The following B3GALT5 variants were observed in gnomAD, a reference collection of about 807,000 sequenced individuals.
The protein encoded by B3GALT5 is UDP-Gal:betaGlcNAc beta 1,3-galactosyltransferase, polypeptide 5.
For missense variants in B3GALT5, 328 were observed against 396.6 expected, an observed-to-expected ratio of 0.83 and a Z score of 1.47; for synonymous variants, 156 against 158.6, an observed-to-expected ratio of 0.98 and a Z score of 0.12.
intron 2 of B3GALT5, among the ~76,000 whole-genome samples, chr21:39,648,658 G>A (rs1039696098): frequency 8.5e-5 from 13 of 152,192 alleles, no homozygotes; most frequent in Non-Finnish European, 1.5e-4. Context: ...GCTGTATACA[G>A]CAGGTGCTCA....
intron 1 of B3GALT5, among the ~76,000 whole-genome samples, chr21:39,643,829 G>A (rs1465354135): frequency 3.3e-5 from 5 of 152,170 alleles, no homozygotes; most frequent in South Asian, 2.1e-4. Context: ...GCAGCTCCTC[G>A]AGGCTGGTGT....
intron 1 of B3GALT5, among the ~76,000 whole-genome samples, chr21:39,618,993 A>AT (rs1277125843): frequency 2.6e-5 from 4 of 152,044 alleles, no homozygotes; most frequent in African/African-American, 9.7e-5. Context: ...TTCAAATTCA[A>AT]TTTTTTCAAA....
intron 2 of B3GALT5, among the ~76,000 whole-genome samples, chr21:39,652,959 A>C (rs2079409112): frequency 1.3e-5 from 2 of 152,222 alleles, no homozygotes; most frequent in Admixed American, 1.3e-4. Flanking sequence ...AAAAATATTA[A>C]CATGGTACAA....
intron 1 of B3GALT5, among the ~76,000 whole-genome samples, chr21:39,615,324 T>C (rs2079101724): frequency 6.6e-6 from 1 of 152,194 alleles, no homozygotes; most frequent in Non-Finnish European, 1.5e-5. Flanking sequence ...AGATGAAAGG[T>C]GAAGGGGTGG....
chr21:39,649,383 G>A (rs1399620693), intron 2 of B3GALT5, among the ~76,000 whole-genome samples: 1 of 152,160 alleles, frequency 6.6e-6, no homozygotes, highest in Non-Finnish European at 1.5e-5. Flanking sequence ...GGCCCTTCCG[G>A]ATTCCCTGCC....
intron 1 of B3GALT5, among the ~76,000 whole-genome samples, chr21:39,641,106 T>C (rs1410435340): frequency 6.6e-6 from 1 of 152,160 alleles, no homozygotes; most frequent in Admixed American, 6.5e-5. Flanking sequence ...AATATAGTGG[T>C]GAGAACAGAT....
At chr21:39,659,416 A>G (rs1289351828) in intron 2 of B3GALT5, among the ~76,000 whole-genome samples, 1 of 152,236 alleles carries the variant, frequency 6.6e-6, no homozygotes, top group African/African-American at 2.4e-5. Context: ...CATTAACTAC[A>G]GACTCTGTTA....
At chr21:39,658,294 C>A (rs1394836324) in intron 2 of B3GALT5, among the ~76,000 whole-genome samples, 1 of 152,098 alleles carries the variant, frequency 6.6e-6, no homozygotes, top group Non-Finnish European at 1.5e-5. Flanking sequence ...TCCTGGGAAA[C>A]AGTTTGGCCA....
In B3GALT5 at chr21:39,659,917, G is replaced by A. The variant is rs2079493142; in HGVS notation, c.-1+5G>A. The A allele has an allele frequency of 1.0e-6, 1 of 984,930 alleles. No individual in the cohort carries two copies. The highest frequency in any genetic ancestry group is 1.7e-5 in the African/African-American group (1 of 57,332). The allele number at this position is 984,930 out of a possible 1,614,324, so 61.0% of individuals were successfully genotyped here. A position where few individuals can be genotyped will look rare whatever the true frequency, so the allele number is the denominator to read the frequency against. ...GTTCCTCTTACCCAGCAAAAAGTGA[G>A]TTATACGCTTTCTTAATGTTATAAC... On this transcript the variant is annotated splice_donor_5th_base_variant and intron_variant, in intron 3 of 3. Coordinates refer to ENST00000684187, the MANE Select transcript of B3GALT5 (RefSeq NM_001356336.2).
intron 3 of B3GALT5, among the ~76,000 whole-genome samples, chr21:39,660,251 C>T (rs1056579112): frequency 6.6e-6 from 1 of 152,124 alleles, no homozygotes; most frequent in Non-Finnish European, 1.5e-5. Flanking sequence ...GCTGGAGGAC[C>T]GAGTGAGGGA....
intron 1 of B3GALT5, among the ~76,000 whole-genome samples, chr21:39,639,130 A>G (rs368784749): frequency 1.3e-5 from 2 of 152,312 alleles, no homozygotes; most frequent in East Asian, 3.9e-4. Flanking sequence ...GAAGCCACTT[A>G]TTAAACTAAC....
At chr21:39,644,906 G>C (rs497933) in intron 1 of B3GALT5, among the ~76,000 whole-genome samples, 39,561 of 151,818 alleles carry the variant, frequency 0.26, 5,252 homozygotes, top group South Asian at 0.41. Flanking sequence ...CTGTCTTGGG[G>C]GGATGGATGT....
chr21:39,634,561 T>G (rs546947102), intron 1 of B3GALT5, among the ~76,000 whole-genome samples: 1 of 152,254 alleles, frequency 6.6e-6, no homozygotes, highest in African/African-American at 2.4e-5. Context: ...CGCTCACATC[T>G]ATAAATGACG....
chr21:39,640,628 T>A (rs2079282634), intron 1 of B3GALT5, among the ~76,000 whole-genome samples: 1 of 152,032 alleles, frequency 6.6e-6, no homozygotes, highest in Non-Finnish European at 1.5e-5. Flanking sequence ...AACTATGAGG[T>A]CTTGTAAAAA....
intron 2 of B3GALT5, among the ~76,000 whole-genome samples, chr21:39,650,782 TG>T (rs112360909): frequency 0.33 from 50,182 of 151,742 alleles, 8,547 homozygotes; most frequent in Middle Eastern, 0.39. Context: ...CAGTTTGTTT[TG>T]CTTAGTAGAA....
chr21:39,635,038 T>C (rs2079217066), intron 1 of B3GALT5, among the ~76,000 whole-genome samples: 1 of 152,178 alleles, frequency 6.6e-6, no homozygotes, highest in African/African-American at 2.4e-5. Context: ...TACCATGCCA[T>C]CTGCAACAAA....
chr21:39,639,358 C>CTT (rs1569212215), intron 1 of B3GALT5, among the ~76,000 whole-genome samples: 1 of 119,592 alleles, frequency 8.4e-6, no homozygotes, highest in Non-Finnish European at 1.8e-5. Flanking sequence ...TTCCTTCCTT[C>CTT]CTTCCTTCCT....
At chr21:39,626,116 T>A (rs1318144847) in intron 1 of B3GALT5, among the ~76,000 whole-genome samples, 1 of 152,078 alleles carries the variant, frequency 6.6e-6, no homozygotes, top group Non-Finnish European at 1.5e-5. Flanking sequence ...GGAACCCCCA[T>A]TCTATTTCCT....
intron 1 of B3GALT5, among the ~76,000 whole-genome samples, chr21:39,624,837 C>T (rs955923942): frequency 6.6e-5 from 10 of 150,700 alleles, no homozygotes; most frequent in Non-Finnish European, 7.4e-5. Flanking sequence ...AAAATCACCT[C>T]GTCCAAGGCG....
Sources: allele counts gnomAD v4.1 joint callset (sites outside exome capture counted in the v4.1 genomes callset), GRCh38; gene constraint gnomAD v4.1.1; transcripts MANE v1.5; gene names NCBI Gene and HGNC (gene_info 2026-07-23, HGNC 2026-07-21).